The following NRCAM variants were observed in gnomAD, a reference collection of about 807,000 sequenced individuals.
NRCAM encodes NgCAM-related cell adhesion molecule.
A neutral mutation model predicts 156.5 loss-of-function variants in NRCAM; 83 were observed. The observed-to-expected ratio is 0.53, with a 90% CI of 0.44 to 0.64. The LOEUF (loss-of-function observed/expected upper bound fraction) is 0.64, where lower values mean the gene tolerates loss of function less well. NRCAM is among the 30% of genes least tolerant of loss of function. The pLI, the probability that NRCAM is intolerant of heterozygous loss-of-function variation, is 0.00. For missense variants in NRCAM, 1,417 were observed against 1,597.3 expected (o/e 0.89, Z 1.92); for synonymous variants, 538 against 563.9 (o/e 0.95, Z 0.65).
chr7:108,176,942 A>G lies in NRCAM; in HGVS notation c.2975-336T>C, dbSNP rs1490697175. ...GTTGTATTGTTAAATAACCCCAAAC[A>G]TTTTTCTTCAGAGGACTTTTGCCAA... On this transcript the variant is annotated intron_variant, in intron 26 of 32. Transcript: ENST00000379028. 3.3e-5 allele frequency among the ~76,000 whole-genome samples: 5 copies of G among 151,878 alleles called. No individual in the cohort carries two copies. In the East Asian group the frequency reaches 9.6e-4, roughly 29 times the overall value.
At chr7:108,293,628 G>T (rs1487834987) in intron 3 of NRCAM, among the ~76,000 whole-genome samples, 1 of 152,180 alleles carries the variant, frequency 6.6e-6, no homozygotes, top group African/African-American at 2.4e-5. Context: ...CTCCTAAGCA[G>T]TAAATTTGAT....
intron 2 of NRCAM, among the ~76,000 whole-genome samples, chr7:108,344,720 A>AT (rs1488239736): frequency 6.6e-6 from 1 of 152,216 alleles, no homozygotes; most frequent in Non-Finnish European, 1.5e-5. Context: ...GAAATGTACC[A>AT]TTTTAGGAGC....
intron 1 of NRCAM, among the ~76,000 whole-genome samples, chr7:108,446,342 T>A (rs1844160983): frequency 6.6e-6 from 1 of 152,194 alleles, no homozygotes. Context: ...ATGGTCTAGA[T>A]CTATCTATGT....
intron 19 of NRCAM, 126 bp downstream of exon 19, chr7:108,191,128 C>A (rs184056660): frequency 1.0e-3 from 686 of 689,166 alleles, no homozygotes; most frequent in Middle Eastern, 3.7e-3. Flanking sequence ...CACAACATAA[C>A]AACTGACAGA....
chr7:108,349,386 A>G (rs1293545130), intron 2 of NRCAM, among the ~76,000 whole-genome samples: 2 of 151,594 alleles, frequency 1.3e-5, no homozygotes, highest in Non-Finnish European at 2.9e-5. Context: ...CTCCTGCCTC[A>G]GCCTCCCGAG....
At chr7:108,309,509 C>A (rs1326992769) in intron 3 of NRCAM, among the ~76,000 whole-genome samples, 1 of 152,082 alleles carries the variant, frequency 6.6e-6, no homozygotes, top group Non-Finnish European at 1.5e-5. Flanking sequence ...CTAAACTCAG[C>A]CTTAAAATGA....
chr7:108,321,905 G>A (rs765710208), intron 2 of NRCAM, among the ~76,000 whole-genome samples: 1 of 152,194 alleles, frequency 6.6e-6, no homozygotes, highest in Non-Finnish European at 1.5e-5. Context: ...TCTAGCAGGT[G>A]TTAAAAATAA....
intron 30 of NRCAM, 57 bp downstream of exon 30, chr7:108,166,864 C>A: frequency 6.5e-7 from 1 of 1,537,536 alleles, no homozygotes; most frequent in Non-Finnish European, 8.9e-7. Flanking sequence ...CCAGCTGGAG[C>A]ACCTGGCGGC....
intron 1 of NRCAM, among the ~76,000 whole-genome samples, chr7:108,439,045 T>C (rs1835512771): frequency 6.6e-6 from 1 of 152,158 alleles, no homozygotes; most frequent in African/African-American, 2.4e-5. Context: ...TCTTCCCAAG[T>C]TCATCTATTG....
At chr7:108,178,995 C>T (rs2062093832) in intron 25 of NRCAM, among the ~76,000 whole-genome samples, 1 of 152,182 alleles carries the variant, frequency 6.6e-6, no homozygotes, top group African/African-American at 2.4e-5. Context: ...TTTGTCATTT[C>T]CCTGCTTTAG....
chr7:108,428,108 A>G (rs954313575), intron 1 of NRCAM, among the ~76,000 whole-genome samples: 36 of 152,368 alleles, frequency 2.4e-4, no homozygotes, highest in African/African-American at 7.9e-4. Flanking sequence ...GAAACGTTTT[A>G]GAACTTCATA....
chr7:108,256,074 T>C (rs1375801080), intron 3 of NRCAM, among the ~76,000 whole-genome samples: 1 of 151,750 alleles, frequency 6.6e-6, no homozygotes, highest in Non-Finnish European at 1.5e-5. Flanking sequence ...GGCCGCCCCT[T>C]CTGGGAAGTG....
intron 9 of NRCAM, 122 bp from the exon 10 acceptor site, chr7:108,225,823 A>G (rs1177830727): frequency 1.3e-6 from 1 of 748,856 alleles, no homozygotes; most frequent in African/African-American, 1.7e-5. Flanking sequence ...ATCAAGTAAA[A>G]ACAGTGCTTT....
rs1260939110 is a variant in NRCAM, at chr7:108,150,096, G to A, written c.3729C>T (p.Asp1243=). ...CACTATCTTCTTTTTTCACAGTCCT[G>A]TCTGAAGGAGTTCGACTTCCTTTTT... ...PLKKGSRTPS[D]RTVKKEDSDD... The change falls in exon 33 of 33, where the codon GAC becomes GAT. Residue 1243 remains aspartate, a synonymous_variant. Transcript: ENST00000379028. The A allele has an allele frequency of 1.2e-6, 2 of 1,613,236 alleles. No individual in the cohort carries two copies. Among genetic ancestry groups the A allele is most frequent in the East Asian group, 2.2e-5 (1 of 44,900 alleles).
rs775248931 is a variant in NRCAM at position 108,160,435 on chromosome 7, C to A, written c.3524G>T (p.Cys1175Phe). 6.2e-7 allele frequency: 1 copy of A among 1,613,732 alleles called. No individual in the cohort carries two copies. Among genetic ancestry groups the A allele is most frequent in the Non-Finnish European group, 8.5e-7 (1 of 1,179,720 alleles). Reference sequence around the variant, plus strand: ...AATTAAGATAAGGAGAGCAACAGCACACATCAGACCAATGAACCAGCCCTG... The same window carrying A: ...AATTAAGATAAGGAGAGCAACAGCAAACATCAGACCAATGAACCAGCCCTG... ...ATQGWFIGLMCAVALLILILL... is the reference protein window; with the variant it reads ...ATQGWFIGLMFAVALLILILL... The change falls in exon 31 of 33, where the codon TGT becomes TTT. Residue 1175 changes from cysteine (C) to phenylalanine (F), a missense_variant. By Grantham distance (205) the Cys-to-Phe change is radical. Around this residue, in one of 2 missense-constraint regions of NRCAM, gnomAD observed 179 missense variants for 260.9 expected, o/e 0.69. Coordinates refer to ENST00000379028, the MANE Select transcript of NRCAM (RefSeq NM_001037132.4).
intron 2 of NRCAM, among the ~76,000 whole-genome samples, chr7:108,370,160 AGATAT>A (rs1318256354): frequency 6.6e-6 from 1 of 152,124 alleles, no homozygotes; most frequent in Non-Finnish European, 1.5e-5. Context: ...AGTGCCCCAG[AGATAT>A]GATGTAACTG....
chr7:108,263,443 G>A (rs909128747), intron 3 of NRCAM, among the ~76,000 whole-genome samples: 6 of 152,238 alleles, frequency 3.9e-5, no homozygotes, highest in Non-Finnish European at 8.8e-5. Flanking sequence ...CAGGTGCAAA[G>A]GGCCATAAGA....
intron 32 of NRCAM, chr7:108,156,512 G>C (rs2045576577): frequency 1.4e-6 from 1 of 707,824 alleles, no homozygotes; most frequent in African/African-American, 1.9e-5. Flanking sequence ...ACTGCTTGGG[G>C]GTGGGTGTCA....
chr7:108,327,954 T>C (rs1453353595), intron 2 of NRCAM, among the ~76,000 whole-genome samples: 5 of 151,992 alleles, frequency 3.3e-5, no homozygotes, highest in South Asian at 4.2e-4. Flanking sequence ...AACTAGAAAA[T>C]TGTCTTAAGG....
Sources: allele counts gnomAD v4.1 joint callset (sites outside exome capture counted in the v4.1 genomes callset), GRCh38; gene constraint gnomAD v4.1.1; regional missense constraint gnomAD v4.1.1; transcripts MANE v1.5; gene names NCBI Gene and HGNC (gene_info 2026-07-23, HGNC 2026-07-21).